Variants in ADD1 observed in about 807,000 individuals in gnomAD.
ADD1 encodes alpha-adducin.
A neutral mutation model predicts 80.5 loss-of-function variants in ADD1; 24 were observed. That is an observed-to-expected ratio of 0.30 (90% CI 0.22 to 0.42). The LOEUF is 0.42. Among genes scored for constraint, ADD1 ranks in the 10% least tolerant of loss-of-function variants. ADD1 has a pLI of 1.00. For missense variants in ADD1, 948 were observed against 1,019.0 expected (o/e 0.93, Z 0.95); for synonymous variants, 373 against 393.8 (o/e 0.95, Z 0.63).
At chr4:2,864,785 G>A (rs1335848022) in intron 1 of ADD1, among the ~76,000 whole-genome samples, 3 of 152,132 alleles carry the variant, frequency 2.0e-5, no homozygotes, top group African/African-American at 7.2e-5. Flanking sequence ...TCTCAGTGAT[G>A]CTTATTATTT....
In ADD1 at chr4:2,881,218, C is replaced by T. The variant is rs1732271817; in HGVS notation, c.196-680C>T. The stretch of plus-strand genomic sequence containing the variant: ...TCAGCCTCCCAAGTAGCTGGGATTA[C>T]AGGCGCCCACCACCACGCCTGGCTA... On this transcript the variant is annotated intron_variant, in intron 2 of 15. Transcript: ENST00000683351. Among the ~76,000 whole-genome samples the T allele has an allele frequency of 3.3e-5, 5 of 151,504 alleles. No individual in the cohort carries two copies. The South Asian group carries it at 1.0e-3, about 32-fold the overall frequency.
chr4:2,899,132 T>G (rs937065829), intron 8 of ADD1, 127 bp from the exon 9 acceptor site: 2 of 941,426 alleles, frequency 2.1e-6, no homozygotes, highest in Non-Finnish European at 3.2e-6. Context: ...TCACTATCCA[T>G]TCTACATTTT....
At chr4:2,896,585 T>C (rs1368259818) in intron 6 of ADD1, among the ~76,000 whole-genome samples, 1 of 152,194 alleles carries the variant, frequency 6.6e-6, no homozygotes, top group Non-Finnish European at 1.5e-5. Flanking sequence ...ACTCTGAACA[T>C]ATGGTTCTTA....
intron 2 of ADD1, among the ~76,000 whole-genome samples, chr4:2,880,321 T>A (rs1732042487): frequency 6.6e-6 from 1 of 152,072 alleles, no homozygotes; most frequent in African/African-American, 2.4e-5. Flanking sequence ...TCTTAGACTG[T>A]CCCTTGGCAA....
intron 1 of ADD1, among the ~76,000 whole-genome samples, chr4:2,864,103 G>A (rs976821931): frequency 6.6e-6 from 1 of 152,134 alleles, no homozygotes; most frequent in Non-Finnish European, 1.5e-5. Context: ...AGGCTATCCT[G>A]CTAAAACACT....
In ADD1 at chr4:2,928,638, T is replaced by G. The variant is rs1368784230; in HGVS notation, c.*115T>G. The G allele has an allele frequency of 3.4e-6, 4 of 1,182,826 alleles. No individual in the cohort carries two copies. Among genetic ancestry groups the G allele is most frequent in the Non-Finnish European group, 4.8e-6 (4 of 830,434 alleles). 73.3% of individuals were successfully genotyped at this position (1,182,826 alleles called of 1,614,324 possible). On this transcript the variant is annotated 3_prime_UTR_variant, in exon 16 of 16. Transcript: ENST00000683351. ...ATGCAAAAAAGCCAAGCCCTCCGCC[T>G]AGAGGTCCCCTCACGTGACCAGCCC...
intron 3 of ADD1, among the ~76,000 whole-genome samples, 190 bp from the exon 4 acceptor site, chr4:2,884,325 A>G (rs933496495): frequency 1.3e-5 from 2 of 152,226 alleles, no homozygotes; most frequent in African/African-American, 4.8e-5. Context: ...ACATTTGATA[A>G]GAAATGTTAA....
intron 1 of ADD1, among the ~76,000 whole-genome samples, chr4:2,863,224 T>A (rs1459068223): frequency 3.5e-5 from 5 of 143,518 alleles, no homozygotes; most frequent in South Asian, 4.3e-4. Flanking sequence ...TTTTAATTTT[T>A]TTTTTTTTTT....
chr4:2,911,843 G>C (rs1297348637), intron 13 of ADD1, among the ~76,000 whole-genome samples: 1 of 152,210 alleles, frequency 6.6e-6, no homozygotes, highest in East Asian at 1.9e-4. Context: ...TACACTGCAA[G>C]CTATTCAGCC....
intron 9 of ADD1, among the ~76,000 whole-genome samples, chr4:2,903,074 A>T (rs1736451368): frequency 6.6e-6 from 1 of 152,116 alleles, no homozygotes; most frequent in South Asian, 2.1e-4. Context: ...TGAAAGAGTG[A>T]TTAGTAATGA....
chr4:2,865,582 T>C (rs1729430546), intron 1 of ADD1, among the ~76,000 whole-genome samples: 5 of 152,252 alleles, frequency 3.3e-5, no homozygotes, highest in African/African-American at 2.4e-5. Flanking sequence ...CTAGGAACTT[T>C]TAGTTGTTGA....
chr4:2,897,743 G>C (rs144405249), intron 6 of ADD1, among the ~76,000 whole-genome samples: 7 of 151,784 alleles, frequency 4.6e-5, no homozygotes, highest in Non-Finnish European at 1.0e-4. Flanking sequence ...GGCTGACGTC[G>C]AACTTCCAGG....
intron 4 of ADD1, among the ~76,000 whole-genome samples, chr4:2,893,245 T>G (rs1734610210): frequency 6.6e-6 from 1 of 152,058 alleles, no homozygotes; most frequent in South Asian, 2.1e-4. Context: ...TTAAGTATTT[T>G]TAAAAATTCA....
chr4:2,928,578 C>G lies in ADD1; in HGVS notation c.*55C>G. On this transcript the variant is annotated 3_prime_UTR_variant, in exon 16 of 16. Coordinates refer to ENST00000683351, the MANE Select transcript of ADD1 (RefSeq NM_001354761.2). The stretch of plus-strand genomic sequence containing the variant: ...AGCGACCCTGGCTCTGCCAGCGTCC[C>G]CGGCCACGTCTGTGCTCTGTCCTTG... The G allele has an allele frequency of 6.4e-7, 1 of 1,553,652 alleles. No individual in the cohort carries two copies. The highest frequency in any genetic ancestry group is 1.4e-5 in the African/African-American group (1 of 72,290).
At chr4:2,905,407 T>C (rs1424848084) in intron 10 of ADD1, 1 of 400,042 alleles carries the variant, frequency 2.5e-6, no homozygotes, top group African/African-American at 2.0e-5. Flanking sequence ...GCTCTTCTTA[T>C]TTAATTCAAA....
chr4:2,883,123 A>C (rs1202185625), intron 3 of ADD1, among the ~76,000 whole-genome samples: 1 of 152,092 alleles, frequency 6.6e-6, no homozygotes, highest in South Asian at 2.1e-4. Context: ...CAGCCTCCCT[A>C]AGTGCTGGGA....
intron 1 of ADD1, among the ~76,000 whole-genome samples, chr4:2,872,003 T>C (rs1730525969): frequency 6.6e-6 from 1 of 152,188 alleles, no homozygotes; most frequent in South Asian, 2.1e-4. Flanking sequence ...ATTAAAACTC[T>C]CTATGGCCAA....
chr4:2,916,585 C>T (rs1739118620), intron 14 of ADD1, among the ~76,000 whole-genome samples: 1 of 152,004 alleles, frequency 6.6e-6, no homozygotes, highest in Non-Finnish European at 1.5e-5. Flanking sequence ...ACAGAACGTG[C>T]AGGTTTGTTA....
intron 14 of ADD1, among the ~76,000 whole-genome samples, chr4:2,924,219 C>G (rs1383726881): frequency 3.3e-5 from 5 of 152,226 alleles, no homozygotes; most frequent in Admixed American, 6.5e-5. Flanking sequence ...GTTTGAGACC[C>G]TCACGGAGCA....
Sources: gnomAD v4.1 joint callset for allele counts (sites outside exome capture counted in the v4.1 genomes callset) on GRCh38, gnomAD v4.1.1 for gene constraint, MANE v1.5 for transcripts, NCBI Gene and HGNC (gene_info 2026-07-23, HGNC 2026-07-21) for gene names.